The following TENM2 variants were observed in gnomAD, a reference collection of about 807,000 sequenced individuals.
TENM2 encodes teneurin-2.
Under a neutral mutation model 245.2 loss-of-function variants are expected in TENM2, and 52 were observed. The observed-to-expected ratio is 0.21, with a 90% CI of 0.17 to 0.27. TENM2 has a LOEUF of 0.27. TENM2 is among the 10% of genes least tolerant of loss of function. The pLI is 1.00. For synonymous variants in TENM2, 1,363 were observed against 1,438.9 expected, an observed-to-expected ratio of 0.95 and a Z score of 1.19; for missense variants, 3,046 against 3,666.8, an observed-to-expected ratio of 0.83 and a Z score of 4.37.
chr5:167,615,697 T>G (rs903453862), intron 2 of TENM2, among the ~76,000 whole-genome samples: 1 of 151,954 alleles, frequency 6.6e-6, no homozygotes, highest in African/African-American at 2.4e-5. Context: ...TAGTTATAAT[T>G]AAGAGAGACA....
chr5:167,250,437 G>A, the TENM2 span, among the ~76,000 whole-genome samples: 1 of 151,958 alleles, frequency 6.6e-6, no homozygotes, highest in African/African-American at 2.4e-5. Context: ...GAATCTATTG[G>A]GTAAAATATA....
the TENM2 span, among the ~76,000 whole-genome samples, chr5:167,193,329 G>C: frequency 1.3e-5 from 2 of 151,996 alleles, no homozygotes; most frequent in Admixed American, 6.6e-5. Context: ...TCCTGTGACT[G>C]TTAAGTGGAA....
chr5:168,247,878 C>T lies in TENM2; in HGVS notation c.6939C>T (p.Thr2313=), dbSNP rs759147241. 1 of 1,613,992 alleles carries T rather than the reference C, an allele frequency of 6.2e-7. No homozygotes were observed. The highest frequency in any genetic ancestry group is 8.5e-7 in the Non-Finnish European group (1 of 1,179,878). The change falls in exon 27 of 29, where the codon ACC becomes ACT. Residue 2313 remains threonine, a synonymous_variant. Coordinates refer to ENST00000518659, the Ensembl canonical transcript of TENM2. This position sits in a 1 kb window ranked among gnomAD's most constrained non-coding sequence, Gnocchi z 7.8. ...TAGGACGGCGGGCTTCCTACAAGAC[C>T]AACCTGGGCCACCACCTGCAGTACT...
intron 10 of TENM2, among the ~76,000 whole-genome samples, chr5:168,122,593 A>G (rs1795545198): frequency 1.3e-5 from 2 of 152,170 alleles, no homozygotes. Flanking sequence ...ATCAGGAGTT[A>G]TACTCCCCGA....
At chr5:167,958,634 G>A (rs185697093) in intron 4 of TENM2, among the ~76,000 whole-genome samples, 408 of 152,228 alleles carry the variant, frequency 2.7e-3, no homozygotes, top group African/African-American at 9.5e-3. Context: ...TCCTTTCCAT[G>A]TTTAGTGCCT....
the TENM2 span, among the ~76,000 whole-genome samples, chr5:167,073,778 A>T: frequency 4.6e-5 from 7 of 152,152 alleles, no homozygotes; most frequent in African/African-American, 1.7e-4. Flanking sequence ...GGATGGAAAA[A>T]CTTGGCCCTC....
intron 1 of TENM2, among the ~76,000 whole-genome samples, chr5:167,364,101 G>A (rs182528155): frequency 1.0e-3 from 152 of 152,158 alleles, no homozygotes; most frequent in Admixed American, 9.6e-3. Context: ...GGTAGCGTAA[G>A]ATCAGCTGAG....
At chr5:167,186,732 C>T in the TENM2 span, among the ~76,000 whole-genome samples, 4 of 152,192 alleles carry the variant, frequency 2.6e-5, no homozygotes, top group Admixed American at 1.3e-4. Flanking sequence ...AAATCCAAAT[C>T]GACAATCCAG....
chr5:167,746,447 G>T (rs1300473802), intron 2 of TENM2, among the ~76,000 whole-genome samples: 1 of 149,276 alleles, frequency 6.7e-6, no homozygotes, highest in African/African-American at 2.5e-5. Flanking sequence ...GTTGGGTAAA[G>T]TGAGGAAACA....
At chr5:167,187,997 C>G in the TENM2 span, among the ~76,000 whole-genome samples, 5 of 152,050 alleles carry the variant, frequency 3.3e-5, no homozygotes, top group Non-Finnish European at 7.4e-5. Flanking sequence ...GTTATGGAAA[C>G]CAGGTGTTAG....
intron 2 of TENM2, among the ~76,000 whole-genome samples, chr5:167,797,371 A>G (rs1765395074): frequency 6.6e-6 from 1 of 152,126 alleles, no homozygotes; most frequent in Non-Finnish European, 1.5e-5. Context: ...AATGAGCGGA[A>G]ATATTTGTCC....
intron 4 of TENM2, among the ~76,000 whole-genome samples, chr5:167,968,683 G>T (rs557929686): frequency 1.5e-4 from 23 of 152,260 alleles, no homozygotes; most frequent in Admixed American, 5.2e-4. Context: ...TCTTAGATAA[G>T]AATTTTCGAT....
At chr5:167,496,721 A>G (rs180955282) in intron 2 of TENM2, among the ~76,000 whole-genome samples, 194 of 152,202 alleles carry the variant, frequency 1.3e-3, no homozygotes, top group Non-Finnish European at 2.5e-3. Context: ...CCCTCCATTG[A>G]GTTACATTCT....
At chr5:168,036,643 A>AATATATAT (rs61665761) in intron 5 of TENM2, among the ~76,000 whole-genome samples, 3 of 73,810 alleles carry the variant, frequency 4.1e-5, no homozygotes, top group African/African-American at 1.7e-4. Flanking sequence ...TCAAAAAAAA[A>AATATATAT]ATATATATAT....
chr5:167,646,694 A>G (rs1228631018), intron 2 of TENM2, among the ~76,000 whole-genome samples: 2 of 152,090 alleles, frequency 1.3e-5, no homozygotes. Flanking sequence ...CATAGGGAGA[A>G]TTCCATATGT....
At chr5:167,940,326 C>T (rs1340160423) in intron 3 of TENM2, among the ~76,000 whole-genome samples, 2 of 152,088 alleles carry the variant, frequency 1.3e-5, no homozygotes, top group Non-Finnish European at 2.9e-5. Flanking sequence ...CCAAGTACTC[C>T]AAGAGCCAGG....
At chr5:167,498,527 A>G (rs1039728291) in intron 2 of TENM2, among the ~76,000 whole-genome samples, 2 of 152,054 alleles carry the variant, frequency 1.3e-5, no homozygotes, top group Non-Finnish European at 2.9e-5. Context: ...TGAGGCATCG[A>G]CCCTGACCCT....
intron 27 of TENM2, 141 bp downstream of exon 29, chr5:168,248,512 T>A: frequency 1.2e-6 from 1 of 824,256 alleles, no homozygotes; most frequent in Non-Finnish European, 1.9e-6. Flanking sequence ...TTGGCAGCAC[T>A]ACAGAGTCTA....
chr5:168,245,499 T>C (rs550640180), intron 26 of TENM2, among the ~76,000 whole-genome samples: 14 of 151,062 alleles, frequency 9.3e-5, no homozygotes, highest in Non-Finnish European at 1.6e-4. Flanking sequence ...GAATTCTCTC[T>C]ACATGATTCC....
Sources: gnomAD v4.1 joint callset for allele counts (sites outside exome capture counted in the v4.1 genomes callset) on GRCh38, gnomAD v4.1.1 for gene constraint, Gnocchi (gnomAD v3.1) non-coding constraint, MANE v1.5 for transcripts, NCBI Gene and HGNC (gene_info 2026-07-23, HGNC 2026-07-21) for gene names.